Variants in FHIP2A observed in about 807,000 individuals in gnomAD.
FHIP2A encodes the protein family with sequence similarity 160 member B1.
A neutral mutation model predicts 93.5 loss-of-function variants in FHIP2A; 46 were observed. The observed-to-expected ratio is 0.49, with a 90% CI of 0.39 to 0.63. The LOEUF (loss-of-function observed/expected upper bound fraction) is 0.63. Among genes scored for constraint, FHIP2A ranks in the 20% least tolerant of loss-of-function variants. FHIP2A has a pLI of 0.00. For missense variants in FHIP2A, 769 were observed against 909.7 expected, an observed-to-expected ratio of 0.85 and a Z score of 1.99; for synonymous variants, 332 against 326.5, an observed-to-expected ratio of 1.02 and a Z score of -0.18.
intron 13 of FHIP2A, 106 bp downstream of exon 13, chr10:114,848,843 T>C: frequency 1.3e-6 from 1 of 743,526 alleles, no homozygotes. Flanking sequence ...ACTTCATTCT[T>C]ATTAAAAATG....
intron 1 of FHIP2A, among the ~76,000 whole-genome samples, chr10:114,825,646 G>T (rs1465017118): frequency 2.0e-5 from 3 of 152,196 alleles, no homozygotes; most frequent in African/African-American, 7.2e-5. Flanking sequence ...CTTATGAAAT[G>T]AATCTGTTAG....
chr10:114,841,673 C>A (rs2083669855), intron 5 of FHIP2A, among the ~76,000 whole-genome samples: 1 of 152,084 alleles, frequency 6.6e-6, no homozygotes, highest in Admixed American at 6.6e-5. Flanking sequence ...TAAATATGTT[C>A]TGTGAACTCA....
intron 13 of FHIP2A, among the ~76,000 whole-genome samples, chr10:114,853,188 G>T (rs977879628): frequency 2.0e-5 from 3 of 152,104 alleles, no homozygotes; most frequent in African/African-American, 7.2e-5. Flanking sequence ...ATGTAGCTTA[G>T]AGCTTTATAC....
intron 16 of FHIP2A, among the ~76,000 whole-genome samples, chr10:114,880,814 C>T (rs2083913540): frequency 6.6e-6 from 1 of 152,106 alleles, no homozygotes; most frequent in South Asian, 2.1e-4. Flanking sequence ...GGGCATGAGA[C>T]AGGCATTTGG....
intron 5 of FHIP2A, among the ~76,000 whole-genome samples, chr10:114,839,442 T>C (rs1220006775): frequency 6.6e-6 from 1 of 152,164 alleles, no homozygotes; most frequent in East Asian, 1.9e-4. Context: ...TGCAGTTTTA[T>C]TACTTATAAG....
chr10:114,847,746 C>A, intron 12 of FHIP2A, among the ~76,000 whole-genome samples: 1 of 142,022 alleles, frequency 7.0e-6, no homozygotes, highest in East Asian at 2.0e-4. Flanking sequence ...GTTCCCTCCC[C>A]CACCTTTTTT....
chr10:114,834,820 G>C (rs1186048484), intron 3 of FHIP2A, among the ~76,000 whole-genome samples: 1 of 152,184 alleles, frequency 6.6e-6, no homozygotes, highest in Non-Finnish European at 1.5e-5. Flanking sequence ...AACAACATGG[G>C]TTTGAACTGT....
intron 16 of FHIP2A, among the ~76,000 whole-genome samples, chr10:114,871,612 CTA>C (rs1208949638): frequency 1.3e-5 from 2 of 152,138 alleles, no homozygotes; most frequent in African/African-American, 4.8e-5. Context: ...GCAGAAACCT[CTA>C]TTACATAATT....
chr10:114,841,776 ATTC>A (rs2083670311), intron 5 of FHIP2A, among the ~76,000 whole-genome samples: 1 of 152,312 alleles, frequency 6.6e-6, no homozygotes, highest in East Asian at 1.9e-4. Flanking sequence ...AGAACCCTGA[ATTC>A]ATTCAGCCTT....
chr10:114,860,778 A>G lies in FHIP2A; in HGVS notation c.1977A>G (p.Ser659=), dbSNP rs1458775408. The change falls in exon 15 of 17, where the codon TCA becomes TCG. Residue 659 remains serine (S), a synonymous_variant. Transcript: ENST00000369248. ...QPYDVNLQVT[S]VLSRLSLFPH... ...ATGATGTAAACTTACAAGTAACCTC[A>G]GTGTTATCTAGACTTTCTCTCTTCC... The G allele has an allele frequency of 5.6e-6, 9 of 1,607,014 alleles. No individual in the cohort carries two copies. The East Asian group carries it at 2.0e-4, about 36-fold the overall frequency.
chr10:114,830,361 C>T (rs529518278), intron 1 of FHIP2A, among the ~76,000 whole-genome samples: 1 of 150,778 alleles, frequency 6.6e-6, no homozygotes, highest in East Asian at 1.9e-4. Context: ...AAACCTCCAC[C>T]TCCCAGGTTC....
intron 16 of FHIP2A, among the ~76,000 whole-genome samples, chr10:114,891,711 G>A (rs1426043328): frequency 2.0e-5 from 3 of 151,758 alleles, no homozygotes; most frequent in Admixed American, 6.6e-5. Context: ...CCGCCTCCCG[G>A]GTTCAAGCGA....
At chr10:114,889,799 G>T (rs1186041310) in intron 16 of FHIP2A, among the ~76,000 whole-genome samples, 5 of 152,188 alleles carry the variant, frequency 3.3e-5, no homozygotes, top group Non-Finnish European at 5.9e-5. Flanking sequence ...TTGCTCCTCT[G>T]GTGGATCTTC....
At chr10:114,834,748 TG>T (rs1021508310) in intron 3 of FHIP2A, among the ~76,000 whole-genome samples, 3 of 152,200 alleles carry the variant, frequency 2.0e-5, no homozygotes, top group African/African-American at 7.2e-5. Context: ...ATAATCATAA[TG>T]TAAATAATTT....
intron 3 of FHIP2A, among the ~76,000 whole-genome samples, chr10:114,833,701 C>A (rs747923653): frequency 6.6e-6 from 1 of 152,016 alleles, no homozygotes; most frequent in Non-Finnish European, 1.5e-5. Context: ...AGAAGGAAGT[C>A]AGTTAAAATA....
chr10:114,861,186 T>C (rs1220608842), intron 15 of FHIP2A, 45 bp from the exon 16 acceptor site: 3 of 1,608,178 alleles, frequency 1.9e-6, no homozygotes, highest in South Asian at 2.2e-5. Flanking sequence ...AGGTTGTCTG[T>C]GTAGCTGATT....
At chr10:114,828,779 C>G (rs919955911) in intron 1 of FHIP2A, among the ~76,000 whole-genome samples, 6 of 152,144 alleles carry the variant, frequency 3.9e-5, no homozygotes, top group Admixed American at 2.0e-4. Flanking sequence ...AAGATTTTAA[C>G]TCCTTTCTTG....
At chr10:114,867,846 G>T (rs2083837626), downstream of FHIP2A, among the ~76,000 whole-genome samples, 1 of 152,054 alleles carries the variant, frequency 6.6e-6, no homozygotes, top group Admixed American at 6.5e-5. Context: ...AGAGACTTCT[G>T]CTGCCTTCAT....
intron 1 of FHIP2A, among the ~76,000 whole-genome samples, chr10:114,822,452 G>A (rs538078094): frequency 1.3e-5 from 2 of 152,294 alleles, no homozygotes; most frequent in East Asian, 3.9e-4. Flanking sequence ...TGATGGGGCC[G>A]GGGGTTCGGG....
Sources: gnomAD v4.1 joint callset for allele counts (sites outside exome capture counted in the v4.1 genomes callset) on GRCh38, gnomAD v4.1.1 for gene constraint, MANE v1.5 for transcripts, NCBI Gene and HGNC (gene_info 2026-07-23, HGNC 2026-07-21) for gene names.